Variants in RBM19 observed in about 807,000 individuals in gnomAD.
RBM19 encodes the protein RNA binding motif protein 19, also known as probable RNA-binding protein 19.
RBM19 carries 94 observed loss-of-function variants against 116.8 expected under a neutral mutation model. The observed-to-expected ratio is 0.80, with a 90% CI of 0.68 to 0.95. The LOEUF is 0.95. Among genes scored for constraint, RBM19 ranks in the 40% least tolerant of loss-of-function variants. RBM19 has a pLI of 0.00. For synonymous variants in RBM19, 475 were observed against 494.1 expected (o/e 0.96, Z 0.51); for missense variants, 1,161 against 1,220.7 (o/e 0.95, Z 0.73).
intron 5 of RBM19, 125 bp downstream of exon 5, chr12:113,959,087 C>G: frequency 2.1e-6 from 2 of 970,118 alleles, no homozygotes; most frequent in Non-Finnish European, 1.5e-6. Flanking sequence ...GGATCATCAC[C>G]CCCAATGGAG....
chr12:113,930,389 C>T (rs914256619), intron 16 of RBM19, among the ~76,000 whole-genome samples: 16 of 152,216 alleles, frequency 1.1e-4, no homozygotes, highest in Non-Finnish European at 1.8e-4. Context: ...CTGCAAAGGG[C>T]ATCTTTAAAT....
chr12:113,899,003 CAT>C (rs1470718429), intron 21 of RBM19, among the ~76,000 whole-genome samples: 1 of 152,084 alleles, frequency 6.6e-6, no homozygotes, highest in Non-Finnish European at 1.5e-5. Context: ...AGTTAAATAA[CAT>C]AATAATAAAA....
intron 2 of RBM19, among the ~76,000 whole-genome samples, chr12:113,960,584 A>G (rs1872408038): frequency 6.6e-6 from 1 of 152,182 alleles, no homozygotes; most frequent in Non-Finnish European, 1.5e-5. Context: ...GACAGAGTGA[A>G]GACTGGAACT....
At chr12:113,844,636 T>G (rs184761804) in intron 23 of RBM19, 32 bp downstream of exon 23, 225 of 1,589,100 alleles carry the variant, frequency 1.4e-4, no homozygotes, top group Non-Finnish European at 1.8e-4. Flanking sequence ...AGGGGGCCCA[T>G]GAGTCAGCCC....
intron 5 of RBM19, 150 bp downstream of exon 5, chr12:113,959,062 G>A: frequency 2.8e-6 from 2 of 726,022 alleles, no homozygotes; most frequent in South Asian, 4.7e-5. Flanking sequence ...AGTGAAGACA[G>A]ATGCACCTGC....
chr12:113,861,953 A>G (rs1878436566), intron 21 of RBM19, among the ~76,000 whole-genome samples: 1 of 152,240 alleles, frequency 6.6e-6, no homozygotes, highest in African/African-American at 2.4e-5. Flanking sequence ...CAAAGACTCT[A>G]GAAGCTTCAG....
rs1233519166 is a variant in RBM19, at chr12:113,924,751, A to G, written c.2251T>C (p.Ser751Pro). 2 of 1,545,018 alleles carry G rather than the reference A, an allele frequency of 1.3e-6. No individual in the cohort carries two copies. The highest frequency in any genetic ancestry group is 3.3e-5 in the Admixed American group (2 of 59,902). The change falls in exon 18 of 24, where the codon TCA becomes CCA. Residue 751 changes from serine to proline, a missense_variant. By Grantham distance (74) the Ser-to-Pro change is moderately conservative (BLOSUM62 -1). Coordinates refer to ENST00000261741, the MANE Select transcript of RBM19 (RefSeq NM_016196.4). Reference sequence around the variant, plus strand: ...CAGCTCTTCACTGTCCCCACTTTTGAAAACACCTGGATAAGAAAGTAACAA... The same window carrying G: ...CAGCTCTTCACTGTCCCCACTTTTGGAAACACCTGGATAAGAAAGTAACAA... ...TTEEKLKEVF[S>P]KVGTVKSCSI...
At chr12:113,932,932 G>A (rs1052370379) in intron 16 of RBM19, among the ~76,000 whole-genome samples, 2 of 152,202 alleles carry the variant, frequency 1.3e-5, no homozygotes, top group African/African-American at 2.4e-5. Flanking sequence ...ATCCAGTCAC[G>A]CATCGCCACA....
chr12:113,849,028 G>C (rs979233344), intron 22 of RBM19, among the ~76,000 whole-genome samples: 4 of 152,214 alleles, frequency 2.6e-5, no homozygotes, highest in Non-Finnish European at 5.9e-5. Context: ...GCCAAGGTTT[G>C]TATGCAGGTC....
intron 21 of RBM19, among the ~76,000 whole-genome samples, chr12:113,859,600 C>T (rs533448782): frequency 2.6e-5 from 4 of 151,988 alleles, no homozygotes; most frequent in African/African-American, 9.7e-5. Flanking sequence ...CTTGGACCAT[C>T]CCCCCCGGTT....
At chr12:113,853,228 A>C (rs1249396304) in intron 22 of RBM19, among the ~76,000 whole-genome samples, 2 of 152,230 alleles carry the variant, frequency 1.3e-5, no homozygotes, top group African/African-American at 4.8e-5. Flanking sequence ...ATGAGGAAGG[A>C]GACATTAACT....
At chr12:113,878,619 A>G (rs1459086128) in intron 21 of RBM19, among the ~76,000 whole-genome samples, 1 of 144,628 alleles carries the variant, frequency 6.9e-6, no homozygotes, top group Non-Finnish European at 1.5e-5. Context: ...AAAGAGGTAC[A>G]TCCATTCTCC....
chr12:113,928,500 A>G, intron 16 of RBM19, among the ~76,000 whole-genome samples: 1 of 150,098 alleles, frequency 6.7e-6, no homozygotes, highest in South Asian at 2.1e-4. Context: ...TTATTTCTGG[A>G]GGATGGCACT....
chr12:113,960,326 T>G, intron 2 of RBM19, 148 bp from the exon 3 acceptor site: 1 of 1,002,070 alleles, frequency 1.0e-6, no homozygotes, highest in Non-Finnish European at 1.5e-6. Context: ...CCCCTTAGCC[T>G]GGGCTTTCTT....
intron 2 of RBM19, among the ~76,000 whole-genome samples, chr12:113,960,918 G>A (rs1327089751): frequency 6.6e-6 from 1 of 152,180 alleles, no homozygotes; most frequent in African/African-American, 2.4e-5. Flanking sequence ...AGGACTTTGA[G>A]AGCGCTGGTT....
chr12:113,927,755 T>G (rs1438725034), intron 16 of RBM19, among the ~76,000 whole-genome samples: 1 of 152,202 alleles, frequency 6.6e-6, no homozygotes, highest in Non-Finnish European at 1.5e-5. Flanking sequence ...ATCCCTCATA[T>G]GCATTACTTC....
intron 19 of RBM19, among the ~76,000 whole-genome samples, chr12:113,919,536 A>G (rs1183999346): frequency 6.6e-6 from 1 of 152,192 alleles, no homozygotes; most frequent in Non-Finnish European, 1.5e-5. Flanking sequence ...GCGCCACTGC[A>G]CTCCAGCCTG....
At chr12:113,866,554 C>A (rs1437876432) in intron 21 of RBM19, among the ~76,000 whole-genome samples, 3 of 152,252 alleles carry the variant, frequency 2.0e-5, no homozygotes, top group African/African-American at 7.2e-5. Context: ...TGGCTCTGCC[C>A]TCACCAACTG....
chr12:113,861,196 G>A (rs981841099), intron 21 of RBM19, among the ~76,000 whole-genome samples: 3 of 152,190 alleles, frequency 2.0e-5, no homozygotes, highest in African/African-American at 7.2e-5. Flanking sequence ...GACGGGGACT[G>A]GCCACTTGCA....
Sources: allele counts gnomAD v4.1 joint callset (sites outside exome capture counted in the v4.1 genomes callset), GRCh38; gene constraint gnomAD v4.1.1; transcripts MANE v1.5; gene names NCBI Gene and HGNC (gene_info 2026-07-23, HGNC 2026-07-21).